ATRNL1: variants seen among roughly 807,000 people sequenced by gnomAD.
The protein encoded by ATRNL1 is attractin like 1, also known as attractin-like protein 1.
Under a neutral mutation model 182.7 loss-of-function variants are expected in ATRNL1, and 95 were observed. That is an observed-to-expected ratio of 0.52 (90% CI 0.44 to 0.62). The LOEUF (loss-of-function observed/expected upper bound fraction) is 0.62. Ranked by LOEUF, ATRNL1 falls within the 20% of genes least tolerant of loss-of-function variation. ATRNL1 has a pLI of 0.00. For missense variants in ATRNL1, 1,471 were observed against 1,679.5 expected (o/e 0.88, Z 2.17); for synonymous variants, 576 against 568.3 (o/e 1.01, Z -0.19).
At chr10:115,106,500 G>A (rs1194289582) in intron 1 of ATRNL1, among the ~76,000 whole-genome samples, 1 of 152,076 alleles carries the variant, frequency 6.6e-6, no homozygotes, top group East Asian at 1.9e-4. Flanking sequence ...GAATGATATG[G>A]TTTGGCTGTG....
intron 27 of ATRNL1, among the ~76,000 whole-genome samples, chr10:115,809,671 T>A (rs989182597): frequency 1.6e-4 from 24 of 152,020 alleles, no homozygotes; most frequent in African/African-American, 5.5e-4. Context: ...AACACTCAAG[T>A]TATTAATTGT....
At chr10:115,530,151 T>A (rs996854436) in intron 25 of ATRNL1, among the ~76,000 whole-genome samples, 5 of 152,208 alleles carry the variant, frequency 3.3e-5, no homozygotes, top group Non-Finnish European at 7.4e-5. Flanking sequence ...TTCTTTCTTC[T>A]TTTTCACTGT....
chr10:115,684,151 T>A (rs1555045587), intron 26 of ATRNL1, among the ~76,000 whole-genome samples: 1 of 151,624 alleles, frequency 6.6e-6, no homozygotes. Flanking sequence ...CCTGGTAATT[T>A]CTGTACAATT....
chr10:115,265,681 C>T (rs1319965489), intron 11 of ATRNL1, among the ~76,000 whole-genome samples: 1 of 151,722 alleles, frequency 6.6e-6, no homozygotes, highest in African/African-American at 2.4e-5. Flanking sequence ...TTAGTTCTGT[C>T]ATTTACTAAA....
chr10:115,450,281 G>C (rs1319377618), intron 21 of ATRNL1, among the ~76,000 whole-genome samples: 1 of 152,132 alleles, frequency 6.6e-6, no homozygotes, highest in Non-Finnish European at 1.5e-5. Context: ...GTCCTAGCCA[G>C]AGCAATCAGG....
chr10:115,555,138 T>C (rs181058848), intron 26 of ATRNL1, among the ~76,000 whole-genome samples: 44 of 151,866 alleles, frequency 2.9e-4, no homozygotes, highest in Non-Finnish European at 5.3e-4. Flanking sequence ...TCAACACAAA[T>C]GCTCACCCTG....
At chr10:115,663,164 A>G (rs74158218) in intron 26 of ATRNL1, among the ~76,000 whole-genome samples, 1,768 of 152,148 alleles carry the variant, frequency 0.012, 34 homozygotes, top group African/African-American at 0.04. Flanking sequence ...AATTTATGCA[A>G]TACTATGAAT....
At chr10:115,445,506 C>CGTGTGTGTGT (rs57237450) in intron 21 of ATRNL1, among the ~76,000 whole-genome samples, 36 of 119,272 alleles carry the variant, frequency 3.0e-4, no homozygotes, top group African/African-American at 9.6e-4. Flanking sequence ...CTCATTTGTC[C>CGTGTGTGTGT]GTGTGTGTGT....
At chr10:115,928,167 G>A (rs1334388956) in intron 28 of ATRNL1, among the ~76,000 whole-genome samples, 3 of 152,022 alleles carry the variant, frequency 2.0e-5, no homozygotes, top group South Asian at 2.1e-4. Context: ...CAGTAGTCTC[G>A]TATCTTACAT....
chr10:115,517,193 C>T (rs1382536499), intron 24 of ATRNL1, among the ~76,000 whole-genome samples: 1 of 151,842 alleles, frequency 6.6e-6, no homozygotes, highest in Non-Finnish European at 1.5e-5. Flanking sequence ...TCAAATTCCC[C>T]TTATATGTCC....
intron 27 of ATRNL1, among the ~76,000 whole-genome samples, chr10:115,730,029 G>A (rs1235524270): frequency 2.0e-5 from 3 of 151,710 alleles, no homozygotes; most frequent in African/African-American, 7.3e-5. Context: ...GGCCGAGGTG[G>A]GTAGATCATT....
chr10:115,839,996 A>G (rs1950766344), intron 27 of ATRNL1, among the ~76,000 whole-genome samples: 1 of 152,124 alleles, frequency 6.6e-6, no homozygotes, highest in African/African-American at 2.4e-5. Context: ...TAACTTTGAG[A>G]TTTACCTTGT....
At chr10:115,650,243 C>G (rs1207246922) in intron 26 of ATRNL1, among the ~76,000 whole-genome samples, 1 of 151,996 alleles carries the variant, frequency 6.6e-6, no homozygotes, top group Non-Finnish European at 1.5e-5. Context: ...GACCTTCTTC[C>G]CAATATGTTC....
At chr10:115,559,356 T>C (rs1853524268) in intron 26 of ATRNL1, among the ~76,000 whole-genome samples, 1 of 152,194 alleles carries the variant, frequency 6.6e-6, no homozygotes, top group Non-Finnish European at 1.5e-5. Flanking sequence ...TGTTTTCTAA[T>C]ATTAGAGAAC....
At chr10:115,653,311 A>G (rs1860128662) in intron 26 of ATRNL1, among the ~76,000 whole-genome samples, 2 of 152,148 alleles carry the variant, frequency 1.3e-5, no homozygotes, top group Non-Finnish European at 2.9e-5. Context: ...TGTGGCTTTC[A>G]GTATGAAATC....
intron 27 of ATRNL1, among the ~76,000 whole-genome samples, chr10:115,744,940 G>A (rs2960649): frequency 0.95 from 144,664 of 152,216 alleles, 69,152 homozygotes; most frequent in East Asian, 1. Context: ...ATACAAATAA[G>A]AAGCCTCATT....
At chr10:115,363,010 A>AC (rs1856828422) in intron 19 of ATRNL1, among the ~76,000 whole-genome samples, 1 of 151,974 alleles carries the variant, frequency 6.6e-6, no homozygotes, top group Non-Finnish European at 1.5e-5. Flanking sequence ...TAGCAGCATG[A>AC]TTTACAGTCC....
intron 25 of ATRNL1, among the ~76,000 whole-genome samples, chr10:115,530,992 G>A (rs1188087212): frequency 3.3e-5 from 5 of 152,044 alleles, no homozygotes; most frequent in Non-Finnish European, 7.4e-5. Context: ...ATTCCATGGT[G>A]TATATGTGCC....
Position 115,093,548 on chromosome 10 carries a change from C to T in ATRNL1, c.-203C>T. On this transcript the variant is annotated 5_prime_UTR_variant, in exon 1 of 29. Coordinates refer to ENST00000355044, the MANE Select transcript of ATRNL1 (RefSeq NM_207303.4). This position sits in a 1 kb window ranked among gnomAD's most constrained non-coding sequence, Gnocchi z 6.1. ...AAGGTCGGGAGACTGGGTGGCGATG[C>T]CCGAGTGCGACTGGAGGCAGCCGAG... is the stretch of plus-strand genomic sequence containing the variant. 2 of 692,608 alleles carry T rather than the reference C, an allele frequency of 2.9e-6. No homozygotes were observed. The highest frequency in any genetic ancestry group is 3.0e-5 in the South Asian group (2 of 66,386). 42.9% of individuals were successfully genotyped at this position (692,608 alleles called of 1,614,324 possible). A position where few individuals can be genotyped will look rare whatever the true frequency, so the allele number is the denominator to read the frequency against.
Sources: allele counts gnomAD v4.1 joint callset (sites outside exome capture counted in the v4.1 genomes callset), GRCh38; gene constraint gnomAD v4.1.1; non-coding constraint Gnocchi (gnomAD v3.1); transcripts MANE v1.5; gene names NCBI Gene and HGNC (gene_info 2026-07-23, HGNC 2026-07-21).